Variants in STXBP5 observed in about 807,000 individuals in gnomAD.
The protein encoded by STXBP5 is syntaxin binding protein 5.
In STXBP5, 50 loss-of-function variants were observed where a neutral mutation model predicts 152.4. The observed-to-expected ratio is 0.33, with a 90% CI of 0.26 to 0.42. The LOEUF (loss-of-function observed/expected upper bound fraction) is 0.42. STXBP5 is among the 10% of genes least tolerant of loss of function. The pLI, the probability that STXBP5 is intolerant of heterozygous loss-of-function variation, is 1.00. For synonymous variants in STXBP5, 492 were observed against 494.7 expected, an observed-to-expected ratio of 0.99 and a Z score of 0.07; for missense variants, 1,167 against 1,388.6, an observed-to-expected ratio of 0.84 and a Z score of 2.54.
chr6:147,288,003 G>A (rs1781075928), intron 8 of STXBP5, among the ~76,000 whole-genome samples: 1 of 151,390 alleles, frequency 6.6e-6, no homozygotes, highest in African/African-American at 2.4e-5. Flanking sequence ...GGCCAGAAAT[G>A]AGTGACTGGG....
chr6:147,297,868 CAAG>C (rs1781607024), intron 9 of STXBP5, among the ~76,000 whole-genome samples: 1 of 149,712 alleles, frequency 6.7e-6, no homozygotes, highest in South Asian at 2.2e-4. Context: ...GATGCACAAA[CAAG>C]AAAGAGAAAG....
intron 9 of STXBP5, among the ~76,000 whole-genome samples, chr6:147,295,270 T>C (rs662280): frequency 6.6e-6 from 1 of 152,190 alleles, no homozygotes. Flanking sequence ...GGTACTCAGA[T>C]GAACTCTAGA....
At chr6:147,260,479 C>A in intron 4 of STXBP5, 136 bp from the exon 5 acceptor site, 1 of 959,452 alleles carries the variant, frequency 1.0e-6, no homozygotes, top group Non-Finnish European at 1.6e-6. Flanking sequence ...ATATTAGTCA[C>A]AATGAATAGA....
chr6:147,371,813 C>T (rs1376590831), intron 25 of STXBP5, among the ~76,000 whole-genome samples: 1 of 152,064 alleles, frequency 6.6e-6, no homozygotes, highest in Non-Finnish European at 1.5e-5. Flanking sequence ...AAAAGCATAC[C>T]TTTAAACTAT....
chr6:147,359,392 T>C, intron 23 of STXBP5, 69 bp downstream of exon 23: 1 of 1,536,054 alleles, frequency 6.5e-7, no homozygotes, highest in Non-Finnish European at 8.8e-7. Context: ...CCTTTGTTTT[T>C]CATTCTTGAA....
At chr6:147,362,565 T>C (rs905864905) in intron 23 of STXBP5, among the ~76,000 whole-genome samples, 2 of 152,216 alleles carry the variant, frequency 1.3e-5, no homozygotes, top group Non-Finnish European at 2.9e-5. Context: ...ACAGTTGTTG[T>C]AAATCATTTA....
chr6:147,228,582 C>T (rs1777848615), intron 2 of STXBP5, among the ~76,000 whole-genome samples: 1 of 151,904 alleles, frequency 6.6e-6, no homozygotes, highest in Non-Finnish European at 1.5e-5. Context: ...TTCTTCTTTT[C>T]CTTTGTTTTC....
intron 21 of STXBP5, among the ~76,000 whole-genome samples, chr6:147,347,214 C>G (rs901757431): frequency 6.6e-6 from 1 of 151,782 alleles, no homozygotes; most frequent in African/African-American, 2.4e-5. Context: ...AAATTAAACG[C>G]CAAGTTAATA....
At chr6:147,232,400 CTATGTTAG>C (rs1421754806) in intron 2 of STXBP5, among the ~76,000 whole-genome samples, 1 of 151,714 alleles carries the variant, frequency 6.6e-6, no homozygotes, top group Non-Finnish European at 1.5e-5. Context: ...TGTGTCCTTT[CTATGTTAG>C]TATCTCAAGA....
At chr6:147,257,855 G>C (rs1326444202) in intron 4 of STXBP5, among the ~76,000 whole-genome samples, 3 of 152,166 alleles carry the variant, frequency 2.0e-5, no homozygotes, top group Non-Finnish European at 4.4e-5. Flanking sequence ...TTGGCTCATA[G>C]TTCTGTTGGG....
chr6:147,306,930 C>T (rs763809517), intron 9 of STXBP5, among the ~76,000 whole-genome samples: 2 of 152,254 alleles, frequency 1.3e-5, no homozygotes, highest in East Asian at 1.9e-4. Flanking sequence ...GTGTTGTCTG[C>T]GTAGACTAGA....
intron 6 of STXBP5, among the ~76,000 whole-genome samples, chr6:147,266,548 C>A (rs1199576397): frequency 1.3e-5 from 2 of 152,096 alleles, no homozygotes; most frequent in East Asian, 1.9e-4. Context: ...ACCGAATAGA[C>A]GTGATAAGGA....
At chr6:147,214,437 A>G (rs1777056774) in intron 2 of STXBP5, among the ~76,000 whole-genome samples, 1 of 152,188 alleles carries the variant, frequency 6.6e-6, no homozygotes, top group Admixed American at 6.5e-5. Context: ...AGGTAGGGGT[A>G]AGAATTGTTG....
chr6:147,228,354 A>G lies in STXBP5; in HGVS notation c.249-6896A>G, dbSNP rs1314884479. ...ATTACTTCACTGTTTCCTAGCAACT[A>G]GCAATTTGATCATTTCTTTGCAAGT... On this transcript the variant is annotated intron_variant, in intron 2 of 27. Coordinates refer to ENST00000321680, the MANE Select transcript of STXBP5 (RefSeq NM_001127715.4). 2.6e-5 allele frequency among the ~76,000 whole-genome samples: 4 copies of G among 151,726 alleles called. No individual in the cohort carries two copies. In the South Asian group the frequency reaches 6.2e-4, roughly 24 times the overall value.
At chr6:147,209,749 T>C (rs183212098) in intron 2 of STXBP5, among the ~76,000 whole-genome samples, 1 of 152,266 alleles carries the variant, frequency 6.6e-6, no homozygotes, top group African/African-American at 2.4e-5. Context: ...TTTGTTGCAT[T>C]TGATGAACAT....
chr6:147,254,422 C>T (rs2115302563), intron 4 of STXBP5, among the ~76,000 whole-genome samples: 1 of 152,294 alleles, frequency 6.6e-6, no homozygotes, highest in African/African-American at 2.4e-5. Flanking sequence ...GCAATGGCAA[C>T]AAAAGCCAAA....
chr6:147,212,954 T>C (rs1173977608), intron 2 of STXBP5, among the ~76,000 whole-genome samples: 8 of 152,220 alleles, frequency 5.3e-5, no homozygotes, highest in Admixed American at 5.2e-4. Context: ...TCTTCCTTGG[T>C]TGTTAAATGT....
At chr6:147,324,857 A>G (rs1245957245) in intron 16 of STXBP5, 102 bp from the exon 17 acceptor site, 1 of 1,054,936 alleles carries the variant, frequency 9.5e-7, no homozygotes, top group Non-Finnish European at 1.2e-6. Flanking sequence ...TGATTTTTAT[A>G]TATTTAAGTA....
At chr6:147,239,394 C>G in intron 4 of STXBP5, 124 bp downstream of exon 4, 1 of 722,430 alleles carries the variant, frequency 1.4e-6, no homozygotes, top group Non-Finnish European at 2.2e-6. Flanking sequence ...TCAGAAGCTT[C>G]AAAGGATATA....
Sources: allele counts gnomAD v4.1 joint callset (sites outside exome capture counted in the v4.1 genomes callset), GRCh38; gene constraint gnomAD v4.1.1; transcripts MANE v1.5; gene names NCBI Gene and HGNC (gene_info 2026-07-23, HGNC 2026-07-21).